SLC24A3: variants seen among roughly 807,000 people sequenced by gnomAD.
SLC24A3 encodes the protein solute carrier family 24 member 3, also known as sodium/potassium/calcium exchanger 3.
In SLC24A3, 28 loss-of-function variants were observed where a neutral mutation model predicts 75.8. The observed-to-expected ratio is 0.37, with a 90% CI of 0.27 to 0.51. The LOEUF (loss-of-function observed/expected upper bound fraction) is 0.51. Among genes scored for constraint, SLC24A3 ranks in the 20% least tolerant of loss-of-function variants. SLC24A3 has a pLI of 0.94. For missense variants in SLC24A3, 663 were observed against 847.8 expected (o/e 0.78, Z 2.71); for synonymous variants, 372 against 334.1 (o/e 1.11, Z -1.24).
chr20:19,351,317 A>C (rs1021943461), intron 2 of SLC24A3, among the ~76,000 whole-genome samples: 1 of 152,046 alleles, frequency 6.6e-6, no homozygotes, highest in African/African-American at 2.4e-5. Flanking sequence ...TGTTGTTGCT[A>C]TTTCCTCTCT....
rs774395977 is a variant in SLC24A3, at chr20:19,721,147, G to A, written c.*7G>A. The A allele has an allele frequency of 9.9e-6, 16 of 1,613,710 alleles. No individual in the cohort carries two copies. The highest frequency in any genetic ancestry group is 3.3e-5 in the South Asian group (3 of 91,074). Reference sequence around the variant, plus strand: ...CATGTGCGGGGACCACTGAGCCGCCGGGTGCCCACAGAGGCTCAGCTCCTT... The same window carrying A: ...CATGTGCGGGGACCACTGAGCCGCCAGGTGCCCACAGAGGCTCAGCTCCTT... On this transcript the variant is annotated 3_prime_UTR_variant, in exon 17 of 17. Coordinates refer to ENST00000328041, the MANE Select transcript of SLC24A3 (RefSeq NM_020689.4).
At chr20:19,469,848 T>A (rs778023530) in intron 2 of SLC24A3, among the ~76,000 whole-genome samples, 1 of 152,184 alleles carries the variant, frequency 6.6e-6, no homozygotes, top group Non-Finnish European at 1.5e-5. Flanking sequence ...ACGGCTGTGG[T>A]CACATGCCCA....
chr20:19,320,758 T>C lies in SLC24A3; in HGVS notation c.271+39671T>C, dbSNP rs575041649. Among the ~76,000 whole-genome samples, 5 of 152,238 alleles carry C rather than the reference T, an allele frequency of 3.3e-5. No individual in the cohort carries two copies. The East Asian group carries it at 7.7e-4, about 24-fold the overall frequency. On this transcript the variant is annotated intron_variant, in intron 2 of 16. Coordinates refer to ENST00000328041, the MANE Select transcript of SLC24A3 (RefSeq NM_020689.4). The stretch of plus-strand genomic sequence containing the variant: ...ATCTCCAGATTAATTGTAATACCTA[T>C]TGCAATGTAAATGCTATGTAAGTAG...
chr20:19,520,735 G>A (rs760307663), intron 3 of SLC24A3, among the ~76,000 whole-genome samples: 2 of 146,860 alleles, frequency 1.4e-5, no homozygotes, highest in Non-Finnish European at 3.0e-5. Flanking sequence ...TGTTCCCCGC[G>A]TCAACACCTG....
At chr20:19,301,928 A>G (rs1250119158) in intron 2 of SLC24A3, among the ~76,000 whole-genome samples, 1 of 152,252 alleles carries the variant, frequency 6.6e-6, no homozygotes, top group Non-Finnish European at 1.5e-5. Context: ...CTAAACTAGC[A>G]CTTAAAGCCC....
At chr20:19,343,411 G>T (rs1480481766) in intron 2 of SLC24A3, among the ~76,000 whole-genome samples, 1 of 152,200 alleles carries the variant, frequency 6.6e-6, no homozygotes, top group East Asian at 1.9e-4. Flanking sequence ...ATGGGGGAAG[G>T]TTAAATGAAT....
intron 2 of SLC24A3, among the ~76,000 whole-genome samples, chr20:19,301,981 T>G (rs1233083174): frequency 6.6e-6 from 1 of 152,238 alleles, no homozygotes; most frequent in Non-Finnish European, 1.5e-5. Flanking sequence ...GGGCATTTGT[T>G]GAGTGCCTCC....
intron 2 of SLC24A3, among the ~76,000 whole-genome samples, chr20:19,498,788 C>A (rs1988337339): frequency 6.6e-6 from 1 of 152,216 alleles, no homozygotes; most frequent in African/African-American, 2.4e-5. Context: ...CTTCACCTCC[C>A]TTTAAGACTG....
rs187323909 is a variant in SLC24A3 at position 19,557,912 on chromosome 20, A to G, written c.349-22088A>G. On this transcript the variant is annotated intron_variant, in intron 3 of 16. Transcript: ENST00000328041. ...TTGAAATTTTCCATAGTTGTTAGCA[A>G]TAATATCCCCCCTTTTTAATGGAGT... Among the ~76,000 whole-genome samples, 63 of 152,316 alleles carry G rather than the reference A, an allele frequency of 4.1e-4. 1 individual carries two copies. The highest frequency in any genetic ancestry group is 1.4e-3 in the African/African-American group (59 of 41,578).
intron 8 of SLC24A3, among the ~76,000 whole-genome samples, chr20:19,671,634 TG>T: frequency 7.0e-6 from 1 of 142,882 alleles, no homozygotes; most frequent in South Asian, 2.1e-4. Flanking sequence ...AGCCCAGGGT[TG>T]GTTTTTTTTT....
At chr20:19,340,134 C>A (rs965453751) in intron 2 of SLC24A3, among the ~76,000 whole-genome samples, 1 of 152,124 alleles carries the variant, frequency 6.6e-6, no homozygotes, top group Admixed American at 6.5e-5. Flanking sequence ...CACAATGTGA[C>A]CTTATTTAGA....
chr20:19,477,149 T>C (rs1987974907), intron 2 of SLC24A3, among the ~76,000 whole-genome samples: 1 of 152,038 alleles, frequency 6.6e-6, no homozygotes, highest in Non-Finnish European at 1.5e-5. Context: ...GAAGTACTCC[T>C]TCTTTATAAT....
chr20:19,372,095 A>G (rs1033009340), intron 2 of SLC24A3, among the ~76,000 whole-genome samples: 2 of 152,236 alleles, frequency 1.3e-5, no homozygotes, highest in African/African-American at 4.8e-5. Context: ...TGGTAAGGAC[A>G]TGCTCTTACA....
intron 6 of SLC24A3, among the ~76,000 whole-genome samples, chr20:19,595,966 G>A (rs962067650): frequency 7.9e-5 from 12 of 152,292 alleles, no homozygotes; most frequent in Non-Finnish European, 1.0e-4. Context: ...TGACATGTTC[G>A]AGGATCATGG....
intron 2 of SLC24A3, among the ~76,000 whole-genome samples, chr20:19,305,120 T>C (rs1345404860): frequency 6.6e-6 from 1 of 152,126 alleles, no homozygotes; most frequent in African/African-American, 2.4e-5. Context: ...CCCTGAGGGA[T>C]GAGTGGCTTT....
intron 15 of SLC24A3, among the ~76,000 whole-genome samples, chr20:19,715,173 T>C (rs575349752): frequency 1.1e-3 from 164 of 152,340 alleles, no homozygotes; most frequent in African/African-American, 3.8e-3. Flanking sequence ...CCATTCAACA[T>C]TGACCAGAAC....
chr20:19,511,178 G>A (rs1047097503), intron 2 of SLC24A3, among the ~76,000 whole-genome samples: 1 of 152,066 alleles, frequency 6.6e-6, no homozygotes, highest in Admixed American at 6.5e-5. Context: ...TGCTCCCGAT[G>A]CTTCCTGGGA....
At chr20:19,506,491 A>G (rs1003313677) in intron 2 of SLC24A3, among the ~76,000 whole-genome samples, 1 of 152,242 alleles carries the variant, frequency 6.6e-6, no homozygotes, top group Non-Finnish European at 1.5e-5. Flanking sequence ...GAATCAACAT[A>G]TTAGAAAGTT....
intron 10 of SLC24A3, among the ~76,000 whole-genome samples, chr20:19,683,054 A>G (rs938369148): frequency 6.6e-6 from 1 of 152,220 alleles, no homozygotes; most frequent in African/African-American, 2.4e-5. Context: ...AAGAAATTAG[A>G]AAGATTATTT....
Sources: gnomAD v4.1 joint callset for allele counts (sites outside exome capture counted in the v4.1 genomes callset) on GRCh38, gnomAD v4.1.1 for gene constraint, MANE v1.5 for transcripts, NCBI Gene and HGNC (gene_info 2026-07-23, HGNC 2026-07-21) for gene names.